NOTCH2: variants seen among roughly 807,000 people sequenced by gnomAD.
NOTCH2 encodes notch receptor 2, also known as neurogenic locus notch homolog protein 2.
NOTCH2 carries 29 observed loss-of-function variants against 235.8 expected under a neutral mutation model. That is an observed-to-expected ratio of 0.12 (90% CI 0.09 to 0.17). The LOEUF is 0.17. Among genes scored for constraint, NOTCH2 ranks in the 10% least tolerant of loss-of-function variants. The probability of loss-of-function intolerance (pLI) is 1.00; values close to 1 mark genes in which losing one functional copy is unlikely to be tolerated. For synonymous variants in NOTCH2, 1,086 were observed against 1,141.5 expected (o/e 0.95, Z 0.98); for missense variants, 2,285 against 3,150.2 (o/e 0.73, Z 6.57).
chr1:119,942,775 A>G (rs587654535), intron 17 of NOTCH2, among the ~76,000 whole-genome samples: 51 of 152,358 alleles, frequency 3.3e-4, no homozygotes, highest in African/African-American at 9.6e-4. Context: ...AAAGGAATAC[A>G]AACAGCTTGA....
chr1:119,966,234 TAC>T, intron 9 of NOTCH2, 140 bp downstream of exon 9: 4 of 717,882 alleles, frequency 5.6e-6, no homozygotes, highest in Non-Finnish European at 1.0e-5. Context: ...TCTATTTCTG[TAC>T]ACACACACTC....
chr1:119,925,630 G>A lies in NOTCH2; in HGVS notation c.4186C>T (p.Pro1396Ser). The A allele has an allele frequency of 1.2e-6, 2 of 1,613,880 alleles. No homozygotes were observed. The highest frequency in any genetic ancestry group is 1.7e-6 in the Non-Finnish European group (2 of 1,179,808). The change falls in exon 25 of 34, where the codon CCT (proline) becomes TCT (serine). Residue 1396 changes from proline to serine, a missense_variant. This residue lies in a region of NOTCH2 where 1,173 missense variants were observed against 1,515.3 expected (regional missense o/e 0.77). Transcript: ENST00000256646. Reference sequence around the variant, plus strand: ...GGGGCACACTGGCAGGAGTAATAAGGAGGCTGGCGCTGAGGGTGGCAGCTG... The same window carrying A: ...GGGGCACACTGGCAGGAGTAATAAGAAGGCTGGCGCTGAGGGTGGCAGCTG... ...GGSCHPQRQPPYYSCQCAPPF... is the reference protein window; with the variant it reads ...GGSCHPQRQPSYYSCQCAPPF...
chr1:120,005,722 ACTG>A (rs1652948813), intron 2 of NOTCH2, 134 bp from the exon 3 acceptor site: 1 of 569,252 alleles, frequency 1.8e-6, no homozygotes, highest in Non-Finnish European at 3.0e-6. Context: ...CACCTATAAA[ACTG>A]CTTCCCTTTA....
At position 119,928,366 on chromosome 1, in the gene NOTCH2, G is replaced by A. The variant is rs748350657; in HGVS notation, c.3892+610C>T. Among the ~76,000 whole-genome samples, 75 of 152,178 alleles carry A rather than the reference G, an allele frequency of 4.9e-4. 1 individual carries two copies. The highest frequency in any genetic ancestry group is 6.5e-4 in the Non-Finnish European group (44 of 68,034). On this transcript the variant is annotated intron_variant, in intron 23 of 33. Coordinates refer to ENST00000256646, the MANE Select transcript of NOTCH2 (RefSeq NM_024408.4). ...GTTAAACACACTTGAATTTGGACCT[G>A]CCCCCTTTAAGTATCTAAGCAGGGT...
chr1:119,964,037 C>T (rs1177973595), intron 10 of NOTCH2, among the ~76,000 whole-genome samples: 1 of 152,192 alleles, frequency 6.6e-6, no homozygotes, highest in Non-Finnish European at 1.5e-5. Context: ...AATACCTTCG[C>T]AACTGATCAA....
At chr1:119,982,818 C>CA (rs1436914426) in intron 5 of NOTCH2, among the ~76,000 whole-genome samples, 1 of 152,188 alleles carries the variant, frequency 6.6e-6, no homozygotes, top group Non-Finnish European at 1.5e-5. Flanking sequence ...AAGGCACAAA[C>CA]AAACACTAAT....
chr1:119,955,126 T>G lies in NOTCH2; in HGVS notation c.2133A>C (p.Gly711=), dbSNP rs1378692712. The part of the protein sequence containing the change: ...VNGFRCICPE[G]PHHPSCYSQV... The stretch of plus-strand genomic sequence containing the variant: ...GTGAGTAGCAGCTGGGGTGATGGGG[T>G]CCCTCGGGGCATATACAGCGGAAAC... Residue 711 remains glycine, a synonymous_variant, in exon 13 of 34, where the codon GGA becomes GGC. Transcript: ENST00000256646. 5.6e-6 allele frequency: 9 copies of G among 1,613,878 alleles called. No homozygotes were observed. In the Admixed American group the frequency reaches 1.5e-4, roughly 27 times the overall value.
intron 17 of NOTCH2, among the ~76,000 whole-genome samples, chr1:119,946,581 G>A (rs1650261801): frequency 6.6e-6 from 1 of 152,016 alleles, no homozygotes; most frequent in South Asian, 2.1e-4. Flanking sequence ...GTCAACAGAT[G>A]TAGAGAAATC....
rs56323802 is a variant in NOTCH2, at chr1:119,974,480, C to A, written c.875-4736G>T. On this transcript the variant is annotated intron_variant, in intron 5 of 33. Transcript: ENST00000256646. ...GAATAATCTGAAATGAAATGTCAAA[C>A]TAGCATATCCTTGGCTGATACCTTA... Among the ~76,000 whole-genome samples, 312 of 152,324 alleles carry A rather than the reference C, an allele frequency of 2.0e-3. 3 individuals are homozygous for A. The highest frequency in any genetic ancestry group is 7.1e-3 in the African/African-American group (293 of 41,560).
intron 24 of NOTCH2, among the ~76,000 whole-genome samples, 173 bp downstream of exon 24, chr1:119,926,326 G>C (rs1649470286): frequency 6.6e-6 from 1 of 152,134 alleles, no homozygotes; most frequent in Non-Finnish European, 1.5e-5. Flanking sequence ...GTTTTGTTTT[G>C]TCACTTGTAA....
chr1:119,943,177 G>A (rs782084402), intron 17 of NOTCH2, among the ~76,000 whole-genome samples: 5 of 152,088 alleles, frequency 3.3e-5, no homozygotes, highest in South Asian at 2.1e-4. Context: ...TATCACTGCC[G>A]GCACCTAGCA....
chr1:119,973,657 G>T (rs1326455475), intron 5 of NOTCH2, among the ~76,000 whole-genome samples: 1 of 152,118 alleles, frequency 6.6e-6, no homozygotes, highest in East Asian at 1.9e-4. Flanking sequence ...AGGTGCATAA[G>T]ACAGTTAAGG....
At position 119,922,520 on chromosome 1, in the gene NOTCH2, G is replaced by C; in HGVS notation, c.5003-74C>G. ...TCAATGTCAGCATTAGATTCATTTA[G>C]AGGGCAACTTTGACCTCAACAGTCC... On this transcript the variant is annotated intron_variant, in intron 27 of 33. Transcript: ENST00000256646. 4 of 1,597,716 alleles carry C rather than the reference G, an allele frequency of 2.5e-6. No homozygotes were observed. The African/African-American group carries it at 5.4e-5, about 21-fold the overall frequency.
At chr1:120,002,540 A>C (rs78173701) in intron 3 of NOTCH2, among the ~76,000 whole-genome samples, 2 of 148,708 alleles carry the variant, frequency 1.3e-5, no homozygotes, top group Non-Finnish European at 3.0e-5. Context: ...AAAAAAAAAA[A>C]CATAACCTGC....
At chr1:119,983,562 A>C (rs1407174478) in intron 5 of NOTCH2, among the ~76,000 whole-genome samples, 1 of 152,234 alleles carries the variant, frequency 6.6e-6, no homozygotes, top group African/African-American at 2.4e-5. Flanking sequence ...ACCATATAGA[A>C]TAGGATGAAT....
intron 3 of NOTCH2, among the ~76,000 whole-genome samples, chr1:120,001,458 C>T (rs1326472912): frequency 6.6e-6 from 1 of 152,192 alleles, no homozygotes; most frequent in Non-Finnish European, 1.5e-5. Context: ...AACATTTGTG[C>T]TCATGCCCCA....
At chr1:119,934,250 C>T (rs1424961407) in intron 22 of NOTCH2, among the ~76,000 whole-genome samples, 4 of 152,164 alleles carry the variant, frequency 2.6e-5, no homozygotes, top group African/African-American at 9.7e-5. Context: ...GACGCTCACA[C>T]CAGAGGCAGA....
At chr1:120,034,141 TA>T (rs781852009) in intron 1 of NOTCH2, among the ~76,000 whole-genome samples, 3 of 137,652 alleles carry the variant, frequency 2.2e-5, no homozygotes, top group Non-Finnish European at 4.7e-5. Flanking sequence ...GCTTATAAAG[TA>T]AAAAAAGAAA....
intron 1 of NOTCH2, among the ~76,000 whole-genome samples, chr1:120,063,611 C>T (rs1570798858): frequency 6.6e-6 from 1 of 152,164 alleles, no homozygotes; most frequent in Admixed American, 6.5e-5. Context: ...GTGAGGCCAG[C>T]AAGTAGGAGG....
Sources: gnomAD v4.1 joint callset for allele counts (sites outside exome capture counted in the v4.1 genomes callset) on GRCh38, gnomAD v4.1.1 for gene constraint, gnomAD v4.1.1 regional missense constraint, MANE v1.5 for transcripts, NCBI Gene and HGNC (gene_info 2026-07-23, HGNC 2026-07-21) for gene names.